Variants in SORCS3 observed in about 807,000 individuals in gnomAD.
The protein encoded by SORCS3 is VPS10 domain-containing receptor SorCS3.
Under a neutral mutation model 146.3 loss-of-function variants are expected in SORCS3, and 57 were observed. The ratio of observed to expected loss-of-function variants is 0.39; its 90% CI spans 0.31 to 0.49. The LOEUF (loss-of-function observed/expected upper bound fraction) is 0.49. Among genes scored for constraint, SORCS3 ranks in the 20% least tolerant of loss-of-function variants. The pLI is 0.92. For synonymous variants in SORCS3, 653 were observed against 618.5 expected, an observed-to-expected ratio of 1.06 and a Z score of -0.83; for missense variants, 1,341 against 1,575.5, an observed-to-expected ratio of 0.85 and a Z score of 2.52.
At chr10:105,133,111 C>G (rs977080749) in intron 7 of SORCS3, among the ~76,000 whole-genome samples, 1 of 152,166 alleles carries the variant, frequency 6.6e-6, no homozygotes, top group African/African-American at 2.4e-5. Context: ...GACTCTGCCC[C>G]TGAAGGGCTG....
At chr10:104,992,322 C>T (rs546259353) in intron 4 of SORCS3, among the ~76,000 whole-genome samples, 2 of 152,316 alleles carry the variant, frequency 1.3e-5, no homozygotes, top group East Asian at 3.9e-4. Flanking sequence ...CTTGGAAGAA[C>T]ATCGAGGGAT....
rs559434617 is a variant in SORCS3, at chr10:105,008,741, G to A, written c.954+31248G>A. Reference sequence around the variant, plus strand: ...AAGTCACTGCAACCTCCCCCTCGGGGGTTCAAGCAATTCTCCTGCCTCAGC... The same window carrying A: ...AAGTCACTGCAACCTCCCCCTCGGGAGTTCAAGCAATTCTCCTGCCTCAGC... On this transcript the variant is annotated intron_variant, in intron 4 of 26. Coordinates refer to ENST00000369701, the MANE Select transcript of SORCS3 (RefSeq NM_014978.3). Among the ~76,000 whole-genome samples, 5 of 152,334 alleles carry A rather than the reference G, an allele frequency of 3.3e-5. No individual in the cohort carries two copies. In the South Asian group the frequency reaches 8.3e-4, roughly 25 times the overall value.
At chr10:105,059,887 GC>G (rs2055472239) in intron 5 of SORCS3, among the ~76,000 whole-genome samples, 1 of 152,216 alleles carries the variant, frequency 6.6e-6, no homozygotes, top group Non-Finnish European at 1.5e-5. Context: ...CTCGCATTGA[GC>G]CCAGCCTAGA....
intron 20 of SORCS3, among the ~76,000 whole-genome samples, chr10:105,243,385 T>G (rs1307228604): frequency 6.6e-6 from 1 of 152,172 alleles, no homozygotes; most frequent in Non-Finnish European, 1.5e-5. Flanking sequence ...CTGTTCTAAT[T>G]ATACTAGAAA....
At chr10:105,227,724 G>A (rs577915963) in intron 20 of SORCS3, among the ~76,000 whole-genome samples, 151 of 151,902 alleles carry the variant, frequency 9.9e-4, no homozygotes, top group Non-Finnish European at 1.8e-3. Flanking sequence ...TGGGTGCTGG[G>A]GTATTGGGTG....
chr10:104,696,426 T>TAG (rs2016197721), intron 1 of SORCS3, among the ~76,000 whole-genome samples: 2 of 80,972 alleles, frequency 2.5e-5, no homozygotes, highest in African/African-American at 5.1e-5. Context: ...ATATAATATA[T>TAG]AATATAGAAT....
At chr10:104,766,522 C>T (rs1255620576) in intron 1 of SORCS3, among the ~76,000 whole-genome samples, 6 of 152,178 alleles carry the variant, frequency 3.9e-5, no homozygotes, top group Admixed American at 3.9e-4. Context: ...ACTCTTGTAT[C>T]GCAGGCACTG....
At position 104,796,340 on chromosome 10, in the gene SORCS3, C is replaced by CT. The variant is rs533038167; in HGVS notation, c.628-46446dup. The stretch of plus-strand genomic sequence containing the variant: ...TGGCTCATTTGATGAGCAAATTCAT[C>CT]TTTTTTCAGTTTGCTTTTAATCCCT... On this transcript the variant is annotated intron_variant, in intron 1 of 26. Coordinates refer to ENST00000369701, the MANE Select transcript of SORCS3 (RefSeq NM_014978.3). Among the ~76,000 whole-genome samples the CT allele has an allele frequency of 1.7e-3, 254 of 152,126 alleles. 2 individuals are homozygous for CT. The highest frequency in any genetic ancestry group is 5.7e-3 in the African/African-American group (235 of 41,486).
rs1281168570 is a variant in SORCS3 at position 105,147,710 on chromosome 10, A to G, written c.1396A>G (p.Thr466Ala). Reference protein sequence around the residue: ...NDTYNLYISDTRGIYFTLAME... With the variant: ...NDTYNLYISDARGIYFTLAME... ...CACGTACAACCTCTACATCTCAGACACGCGTGGGATTTACTTCACTCTGGC... is the reference window on the plus strand; with the variant it reads ...CACGTACAACCTCTACATCTCAGACGCGCGTGGGATTTACTTCACTCTGGC... Residue 466 changes from threonine to alanine, a missense_variant, in exon 9 of 27, where the codon ACG becomes GCG. Transcript: ENST00000369701. 1 of 1,613,130 alleles carries G rather than the reference A, an allele frequency of 6.2e-7. No homozygotes were observed.
chr10:104,939,236 C>T (rs1045213913), intron 3 of SORCS3, among the ~76,000 whole-genome samples: 12 of 152,172 alleles, frequency 7.9e-5, no homozygotes, highest in African/African-American at 2.7e-4. Flanking sequence ...GCTTTCATCG[C>T]ACTCTTGTTT....
At position 104,760,673 on chromosome 10, in the gene SORCS3, T is replaced by C. The variant is rs191213403; in HGVS notation, c.628-82119T>C. Among the ~76,000 whole-genome samples, 4 of 152,260 alleles carry C rather than the reference T, an allele frequency of 2.6e-5. No individual in the cohort carries two copies. In the Middle Eastern group the frequency reaches 0.01, roughly 388 times the overall value. On this transcript the variant is annotated intron_variant, in intron 1 of 26. Transcript: ENST00000369701. ...GTTATCATTGGGAAGGAAGTAGGAA[T>C]TGGAAAATTGACATGAGAGGCAGAC...
chr10:105,172,468 C>T (rs1053080830), intron 13 of SORCS3, among the ~76,000 whole-genome samples: 1 of 152,156 alleles, frequency 6.6e-6, no homozygotes, highest in African/African-American at 2.4e-5. Flanking sequence ...TTCCCTTATT[C>T]TATCTGTATG....
At chr10:104,901,827 A>G (rs544464159) in intron 2 of SORCS3, among the ~76,000 whole-genome samples, 5 of 152,144 alleles carry the variant, frequency 3.3e-5, no homozygotes, top group Admixed American at 6.5e-5. Flanking sequence ...TGCCTAGATT[A>G]GGTGATGCAG....
chr10:105,246,788 T>A (rs1383800377), intron 21 of SORCS3, among the ~76,000 whole-genome samples: 2 of 152,208 alleles, frequency 1.3e-5, no homozygotes, highest in Non-Finnish European at 2.9e-5. Context: ...TTAAACCTAT[T>A]TTCTAATCCT....
At chr10:104,661,328 G>A (rs963308298) in intron 1 of SORCS3, among the ~76,000 whole-genome samples, 1 of 152,168 alleles carries the variant, frequency 6.6e-6, no homozygotes, top group African/African-American at 2.4e-5. Context: ...CCCCTTGACA[G>A]CTATGTTATT....
rs143406225 is a variant in SORCS3 at position 104,955,176 on chromosome 10, T to A, written c.796-22159T>A. Among the ~76,000 whole-genome samples the A allele has an allele frequency of 3.9e-5, 6 of 152,282 alleles. No individual in the cohort carries two copies. In the East Asian group the frequency reaches 1.2e-3, roughly 29 times the overall value. ...GTGACCATTAAGTAGTCGTTTCCCA[T>A]TCCCCTATATCCCTAGTCTCTGGCA... On this transcript the variant is annotated intron_variant, in intron 3 of 26. Transcript: ENST00000369701.
chr10:105,217,074 G>A lies in SORCS3; in HGVS notation c.2686G>A (p.Glu896Lys), dbSNP rs1004221766. The A allele has an allele frequency of 2.5e-6, 4 of 1,614,202 alleles. No homozygotes were observed. The highest frequency in any genetic ancestry group is 3.4e-6 in the Non-Finnish European group (4 of 1,180,028). Residue 896 changes from glutamate (E) to lysine (K), a missense_variant, in exon 19 of 27, where the codon GAG becomes AAG. Coordinates refer to ENST00000369701, the MANE Select transcript of SORCS3 (RefSeq NM_014978.3). The part of the protein sequence containing the change: ...AGIFQVTAYA[E>K]NNLGSDTAVL... Reference sequence around the variant, plus strand: ...GATCTTCCAGGTGACAGCCTATGCAGAGAACAACCTTGGCTCAGACACAGC... The same window carrying A: ...GATCTTCCAGGTGACAGCCTATGCAAAGAACAACCTTGGCTCAGACACAGC...
intron 19 of SORCS3, among the ~76,000 whole-genome samples, chr10:105,222,044 C>CTT (rs34795700): frequency 0.015 from 1,114 of 76,482 alleles, 88 homozygotes; most frequent in African/African-American, 0.021. Flanking sequence ...TACCTTAACA[C>CTT]TTTTTTTTTT....
intron 22 of SORCS3, among the ~76,000 whole-genome samples, chr10:105,248,642 A>C (rs1277324829): frequency 6.8e-6 from 1 of 147,658 alleles, no homozygotes; most frequent in Non-Finnish European, 1.5e-5. Context: ...TGAACCCAAA[A>C]GGCGGAGGTT....
Sources: gnomAD v4.1 joint callset for allele counts (sites outside exome capture counted in the v4.1 genomes callset) on GRCh38, gnomAD v4.1.1 for gene constraint, MANE v1.5 for transcripts, NCBI Gene and HGNC (gene_info 2026-07-23, HGNC 2026-07-21) for gene names.